RFC3: variants seen among roughly 807,000 people sequenced by gnomAD.
RFC3 encodes the protein A1 38 kDa subunit.
Under a neutral mutation model 45.1 loss-of-function variants are expected in RFC3, and 41 were observed. That is an observed-to-expected ratio of 0.91 (90% CI 0.71 to 1.18). The LOEUF (loss-of-function observed/expected upper bound fraction) is 1.18. RFC3 is among the 50% of genes most tolerant of loss of function. The probability of loss-of-function intolerance (pLI) is 0.00; values close to 1 mark genes in which losing one functional copy is unlikely to be tolerated. For synonymous variants in RFC3, 149 were observed against 144.0 expected (o/e 1.03, Z -0.25); for missense variants, 423 against 428.1 (o/e 0.99, Z 0.10).
intron 8 of RFC3, among the ~76,000 whole-genome samples, chr13:33,880,469 A>G (rs903405255): frequency 2.0e-5 from 3 of 152,206 alleles, no homozygotes; most frequent in Admixed American, 2.0e-4. Context: ...ACTATTCCAT[A>G]TAACTTTCTG....
At chr13:33,883,772 G>A (rs867972834) in intron 8 of RFC3, among the ~76,000 whole-genome samples, 37 of 152,304 alleles carry the variant, frequency 2.4e-4, no homozygotes, top group Middle Eastern at 3.4e-3. Context: ...AATACACACT[G>A]AGGCCTTTCA....
chr13:33,848,869 T>C, intron 8 of RFC3: 1 of 152,170 alleles, frequency 6.6e-6, no homozygotes, highest in East Asian at 1.9e-4. Flanking sequence ...TGTAAATATT[T>C]AGATTTAGAC....
chr13:33,910,305 A>G (rs2082696306), intron 8 of RFC3, among the ~76,000 whole-genome samples: 4 of 152,066 alleles, frequency 2.6e-5, no homozygotes. Flanking sequence ...AGTTTTTGTC[A>G]CTCACTTAGA....
intron 3 of RFC3, among the ~76,000 whole-genome samples, chr13:33,825,357 T>C (rs532105281): frequency 7.2e-5 from 11 of 152,298 alleles, no homozygotes; most frequent in African/African-American, 2.6e-4. Context: ...TGTTCTCTCT[T>C]AGATCTTTGC....
chr13:33,941,679 T>C (rs908734275), intron 8 of RFC3, among the ~76,000 whole-genome samples: 4 of 152,154 alleles, frequency 2.6e-5, no homozygotes, highest in Admixed American at 2.6e-4. Flanking sequence ...GATTTTTCTA[T>C]CTTTGGTGTT....
chr13:33,909,690 G>A (rs1593684805), intron 8 of RFC3, among the ~76,000 whole-genome samples: 2 of 152,072 alleles, frequency 1.3e-5, no homozygotes, highest in Admixed American at 6.6e-5. Flanking sequence ...AGGTGAAGGC[G>A]TCATCTCCCT....
chr13:33,947,963 TAGAAA>T (rs1190215346), intron 8 of RFC3, among the ~76,000 whole-genome samples: 1 of 152,160 alleles, frequency 6.6e-6, no homozygotes, highest in African/African-American at 2.4e-5. Context: ...GGCGATGTGA[TAGAAA>T]AGAAAACCCC....
chr13:33,900,837 A>C (rs1175172595), intron 8 of RFC3, among the ~76,000 whole-genome samples: 1 of 150,722 alleles, frequency 6.6e-6, no homozygotes, highest in African/African-American at 2.4e-5. Flanking sequence ...GAATAGCAAA[A>C]AAAAAAAAAA....
intron 8 of RFC3, among the ~76,000 whole-genome samples, chr13:33,851,565 C>T (rs1341609327): frequency 1.3e-5 from 2 of 152,032 alleles, no homozygotes; most frequent in Non-Finnish European, 2.9e-5. Flanking sequence ...TTATAAAGGT[C>T]TTCATCCTTT....
chr13:33,828,911 TA>T (rs1200243008), intron 4 of RFC3, among the ~76,000 whole-genome samples: 2 of 152,192 alleles, frequency 1.3e-5, no homozygotes, highest in Non-Finnish European at 2.9e-5. Flanking sequence ...TTTCCTGTCA[TA>T]AAGTCTGTCA....
At chr13:33,967,595 CTCCTGCCTCAG>C (rs2083094242), downstream of RFC3, among the ~76,000 whole-genome samples, 1 of 143,640 alleles carries the variant, frequency 7.0e-6, no homozygotes, top group Non-Finnish European at 1.5e-5. Flanking sequence ...TCAAGCGATT[CTCCTGCCTCAG>C]CCACCCAAGT....
At chr13:33,915,163 T>C (rs1234591783) in intron 8 of RFC3, among the ~76,000 whole-genome samples, 4 of 152,186 alleles carry the variant, frequency 2.6e-5, no homozygotes, top group African/African-American at 9.6e-5. Flanking sequence ...TACAAGTATA[T>C]TGAATTTCTC....
chr13:33,872,455 C>T (rs1469474372), intron 8 of RFC3, among the ~76,000 whole-genome samples: 1 of 152,188 alleles, frequency 6.6e-6, no homozygotes, highest in East Asian at 1.9e-4. Context: ...AATAAACGGC[C>T]AGGTGCGGTG....
chr13:33,866,438 A>G (rs1158378099), intron 8 of RFC3, among the ~76,000 whole-genome samples: 1 of 152,222 alleles, frequency 6.6e-6, no homozygotes, highest in Admixed American at 6.5e-5. Flanking sequence ...ATTGATCATG[A>G]GTTCTTTGAT....
At chr13:33,899,231 A>G (rs1431169825) in intron 8 of RFC3, among the ~76,000 whole-genome samples, 1 of 108,530 alleles carries the variant, frequency 9.2e-6, no homozygotes, top group African/African-American at 3.2e-5. Context: ...AAAAAAAAAG[A>G]ACAAAATTAC....
At position 33,883,528 on chromosome 13, in the gene RFC3, ACACT is replaced by A. The variant is rs576156897; in HGVS notation, c.879+48315_879+48318del. ...TACACACACACATACACACACACAA[ACACT>A]CACACCTGAAACAATTGGGGGAATC... On this transcript the variant is annotated intron_variant, in intron 8 of 8. Transcript: ENST00000434425. Among the ~76,000 whole-genome samples the A allele has an allele frequency of 1.7e-3, 266 of 152,234 alleles. 3 individuals carry two copies. Among genetic ancestry groups the A allele is most frequent in the Middle Eastern group, 0.01 (3 of 294 alleles).
At position 33,835,132 on chromosome 13, in the gene RFC3, A is replaced by G. The variant is rs2082141297; in HGVS notation, c.810-16A>G. 1.9e-6 allele frequency: 3 copies of G among 1,551,822 alleles called. 1 individual carries two copies. Among genetic ancestry groups the G allele is most frequent in the Admixed American group, 3.5e-5 (2 of 56,364 alleles). ...TTATTTTCTTCACAAAATACCAATTATTTTGTTTTATGTAGGCTCCTTGAA... is the reference window on the plus strand; with the variant it reads ...TTATTTTCTTCACAAAATACCAATTGTTTTGTTTTATGTAGGCTCCTTGAA... On this transcript the variant is annotated splice_polypyrimidine_tract_variant and intron_variant, in intron 7 of 8. Coordinates refer to ENST00000380071, the MANE Select transcript of RFC3 (RefSeq NM_002915.4).
chr13:33,949,560 T>G (rs2082975880), intron 8 of RFC3, among the ~76,000 whole-genome samples: 1 of 152,220 alleles, frequency 6.6e-6, no homozygotes, highest in Non-Finnish European at 1.5e-5. Context: ...CTCAAACATT[T>G]GGCTGAGTGC....
At chr13:33,940,730 T>C (rs565788379) in intron 8 of RFC3, among the ~76,000 whole-genome samples, 1 of 152,334 alleles carries the variant, frequency 6.6e-6, no homozygotes, top group South Asian at 2.1e-4. Flanking sequence ...AATTCTCTGA[T>C]CATGCTGAAA....
Sources: gnomAD v4.1 joint callset for allele counts (sites outside exome capture counted in the v4.1 genomes callset) on GRCh38, gnomAD v4.1.1 for gene constraint, MANE v1.5 for transcripts, NCBI Gene and HGNC (gene_info 2026-07-23, HGNC 2026-07-21) for gene names.